Variants in CDC20B observed in about 807,000 individuals in gnomAD.
The protein encoded by CDC20B is cell division cycle protein 20 homolog B.
Under a neutral mutation model 64.1 loss-of-function variants are expected in CDC20B, and 58 were observed. The ratio of observed to expected loss-of-function variants is 0.90; its 90% CI spans 0.73 to 1.13. The LOEUF (loss-of-function observed/expected upper bound fraction) is 1.13. Among genes scored for constraint, CDC20B ranks in the 50% most tolerant of loss-of-function variants. The probability of loss-of-function intolerance (pLI) is 0.00; values close to 1 mark genes in which losing one functional copy is unlikely to be tolerated. For synonymous variants in CDC20B, 243 were observed against 230.6 expected (o/e 1.05, Z -0.49); for missense variants, 597 against 633.0 (o/e 0.94, Z 0.61).
chr5:55,161,366 T>C, intron 2 of CDC20B: 2 of 1,053,198 alleles, frequency 1.9e-6, no homozygotes, highest in South Asian at 3.2e-5. Flanking sequence ...GAAAGCTTCA[T>C]AAAACTATCA....
intron 2 of CDC20B, among the ~76,000 whole-genome samples, chr5:55,158,562 C>T (rs1743882459): frequency 6.6e-6 from 1 of 152,122 alleles, no homozygotes; most frequent in South Asian, 2.1e-4. Flanking sequence ...AGAGCGGGAA[C>T]CAGAAGAGCA....
At position 55,127,250 on chromosome 5, in the gene CDC20B, TTC is replaced by T; in HGVS notation, c.989+5_989+6del. The T allele has an allele frequency of 1.9e-6, 3 of 1,612,034 alleles. No homozygotes were observed. Among genetic ancestry groups the T allele is most frequent in the Non-Finnish European group, 2.5e-6 (3 of 1,178,110 alleles). The stretch of plus-strand genomic sequence containing the variant: ...AACATAACTGTCTCCAACAAGACGC[TTC>T]TTACCTGCTGAGGATAAAGTGATTC... On this transcript the variant is annotated splice_donor_5th_base_variant and intron_variant, in intron 8 of 11. Transcript: ENST00000381375.
chr5:55,160,514 T>A, intron 2 of CDC20B: 1 of 695,892 alleles, frequency 1.4e-6, no homozygotes, highest in Non-Finnish European at 2.5e-6. Flanking sequence ...GTCTTCAGAG[T>A]AATGGTATTA....
chr5:55,133,361 G>T, intron 6 of CDC20B, 51 bp downstream of exon 6: 1 of 868,302 alleles, frequency 1.2e-6, no homozygotes, highest in Non-Finnish European at 1.8e-6. Flanking sequence ...CAGAGCACAG[G>T]ATGCATTTTG....
intron 2 of CDC20B, chr5:55,170,424 T>G: frequency 2.2e-6 from 1 of 447,042 alleles, no homozygotes. Context: ...ATTACTGTAT[T>G]ATAAGCTAAT....
At chr5:55,164,371 T>A (rs926465758) in intron 2 of CDC20B, 9 of 427,914 alleles carry the variant, frequency 2.1e-5, no homozygotes, top group African/African-American at 1.8e-4. Context: ...TCTGCCTTTT[T>A]AAACATGCTA....
intron 3 of CDC20B, among the ~76,000 whole-genome samples, chr5:55,146,175 T>A (rs1484421018): frequency 6.6e-6 from 1 of 152,158 alleles, no homozygotes; most frequent in Non-Finnish European, 1.5e-5. Context: ...ACTGAAAGCC[T>A]AACTTAGCTG....
intron 6 of CDC20B, among the ~76,000 whole-genome samples, chr5:55,131,053 T>C (rs1001882957): frequency 6.6e-6 from 1 of 151,986 alleles, no homozygotes; most frequent in African/African-American, 2.4e-5. Context: ...GCCCAGGAGG[T>C]AGAGGCCACA....
intron 9 of CDC20B, 61 bp downstream of exon 9, chr5:55,124,742 G>C: frequency 7.4e-7 from 1 of 1,351,080 alleles, no homozygotes; most frequent in African/African-American, 1.5e-5. Flanking sequence ...CTTTTTATAT[G>C]TGAAGGATAC....
chr5:55,142,215 C>T (rs1188802172), intron 4 of CDC20B, among the ~76,000 whole-genome samples: 1 of 152,150 alleles, frequency 6.6e-6, no homozygotes, highest in African/African-American at 2.4e-5. Flanking sequence ...TGCAGGCCCT[C>T]GTTGTGGAAA....
intron 3 of CDC20B, among the ~76,000 whole-genome samples, chr5:55,144,959 T>C (rs1378115431): frequency 2.0e-5 from 3 of 152,216 alleles, no homozygotes; most frequent in Non-Finnish European, 4.4e-5. Context: ...ATCTGATTAA[T>C]CCCTAGTATT....
chr5:55,115,522 CTT>C (rs1218002360), intron 11 of CDC20B, among the ~76,000 whole-genome samples: 1 of 152,148 alleles, frequency 6.6e-6, no homozygotes, highest in African/African-American at 2.4e-5. Context: ...CCAACAGTGA[CTT>C]TAATGATCAA....
intron 9 of CDC20B, among the ~76,000 whole-genome samples, chr5:55,124,588 G>GTT (rs1309992706): frequency 1.3e-5 from 2 of 152,176 alleles, no homozygotes; most frequent in African/African-American, 2.4e-5. Context: ...TTAAGCTTAA[G>GTT]TTTGACTTTG....
intron 3 of CDC20B, among the ~76,000 whole-genome samples, chr5:55,144,551 T>G (rs1275017416): frequency 1.3e-5 from 2 of 152,172 alleles, no homozygotes; most frequent in South Asian, 2.1e-4. Context: ...CATTCAAAAT[T>G]TAAGCAATAT....
chr5:55,142,898 T>C (rs2937584), intron 4 of CDC20B, among the ~76,000 whole-genome samples: 147,760 of 152,334 alleles, frequency 0.97, 71,716 homozygotes, highest in East Asian at 1. Context: ...CGAACTGAAA[T>C]ATGGATTCCT....
intron 11 of CDC20B, among the ~76,000 whole-genome samples, chr5:55,119,266 A>G (rs2111795928): frequency 6.6e-6 from 1 of 152,212 alleles, no homozygotes; most frequent in Admixed American, 6.5e-5. Flanking sequence ...TGCACAAAAG[A>G]GGATTTAAGG....
intron 2 of CDC20B, among the ~76,000 whole-genome samples, chr5:55,148,333 G>A (rs1743555834): frequency 1.3e-5 from 2 of 152,198 alleles, no homozygotes; most frequent in Non-Finnish European, 1.5e-5. Flanking sequence ...ATTAGTATCT[G>A]GAAAGGACTT....
At chr5:55,120,282 T>C (rs1742724740) in intron 10 of CDC20B, 143 bp downstream of exon 10, 1 of 886,668 alleles carries the variant, frequency 1.1e-6, no homozygotes, top group Non-Finnish European at 1.7e-6. Context: ...GTTTTTACAA[T>C]AAAAAGAAAC....
At chr5:55,117,197 AATC>A (rs1192077819) in intron 11 of CDC20B, among the ~76,000 whole-genome samples, 2 of 152,178 alleles carry the variant, frequency 1.3e-5, no homozygotes, top group Admixed American at 1.3e-4. Context: ...AGGTGGGAAT[AATC>A]ATAAGTTACC....
Sources: allele counts gnomAD v4.1 joint callset (sites outside exome capture counted in the v4.1 genomes callset), GRCh38; gene constraint gnomAD v4.1.1; transcripts MANE v1.5; gene names NCBI Gene and HGNC (gene_info 2026-07-23, HGNC 2026-07-21).